ZNF583: variants seen among roughly 807,000 people sequenced by gnomAD.
The protein encoded by ZNF583 is zinc finger protein L3-5.
ZNF583 carries 30 observed loss-of-function variants against 55.3 expected under a neutral mutation model. The observed-to-expected ratio is 0.54, with a 90% confidence interval of 0.41 to 0.74. ZNF583 has a LOEUF of 0.74. ZNF583 is among the 30% of genes least tolerant of loss of function. The probability of loss-of-function intolerance (pLI) is 0.00; values close to 1 mark genes in which losing one functional copy is unlikely to be tolerated. For missense variants in ZNF583, 504 were observed against 664.7 expected (o/e 0.76, Z 2.66); for synonymous variants, 208 against 220.0 (o/e 0.95, Z 0.48).
At position 56,414,350 on chromosome 19, in the gene ZNF583, T is replaced by C. The variant is rs754346434; in HGVS notation, c.142T>C (p.Ser48Pro). Residue 48 changes from serine (S) to proline (P), a missense_variant, in exon 4 of 5, where the codon TCT becomes CCT. By Grantham distance (74) the Ser-to-Pro change is moderately conservative. Around this residue, in one of 3 missense-constraint regions of ZNF583, gnomAD observed 204 missense variants for 235.2 expected, o/e 0.87. Transcript: ENST00000333201. ...CTTTTGTTTTTTGTAAGCAGGAGTT[T>C]CTGTTTCTAAGCCAGATGTGATCTC... ...NYRSLVSLGV[S>P]VSKPDVISLL... The C allele has an allele frequency of 2.5e-6, 4 of 1,614,028 alleles. No homozygotes were observed. In the East Asian group the frequency reaches 6.7e-5, roughly 27 times the overall value.
At chr19:56,415,178 C>A (rs148996624) in intron 4 of ZNF583, among the ~76,000 whole-genome samples, 1 of 152,008 alleles carries the variant, frequency 6.6e-6, no homozygotes, top group African/African-American at 2.4e-5. Context: ...CTGCTAAATT[C>A]TTGGGATTAT....
rs949441793 is a variant in ZNF583, at chr19:56,424,967, T to C, written c.*599T>C. The C allele has an allele frequency of 1.3e-5, 2 of 152,286 alleles. No individual in the cohort carries two copies. Among genetic ancestry groups the C allele is most frequent in the African/African-American group, 4.8e-5 (2 of 41,356 alleles). The allele number at this position is 152,286 out of a possible 1,614,324, so 9.4% of individuals were successfully genotyped here. On this transcript the variant is annotated 3_prime_UTR_variant, in exon 5 of 5. Coordinates refer to ENST00000333201, the MANE Select transcript of ZNF583 (RefSeq NM_152478.3). ...ATGTAAAGTAAAAAGATAACCATAC[T>C]ATACATAGAAAGCCAATCATCTCAG...
chr19:56,406,736 C>T (rs899293287), intron 1 of ZNF583, among the ~76,000 whole-genome samples: 8 of 152,048 alleles, frequency 5.3e-5, no homozygotes, highest in Admixed American at 3.9e-4. Flanking sequence ...CCCGTGTTAG[C>T]CAGGATGGTC....
At position 56,424,622 on chromosome 19, in the gene ZNF583, G is replaced by T; in HGVS notation, c.*254G>T. ...GTTAAAGCACACATTCTTCAAAATA[G>T]CCTAAAAACCTAGCCTCTAACACCT... On this transcript the variant is annotated 3_prime_UTR_variant, in exon 5 of 5. Transcript: ENST00000333201. The T allele has an allele frequency of 2.6e-6, 1 of 385,268 alleles. No homozygotes were observed. Among genetic ancestry groups the T allele is most frequent in the Non-Finnish European group, 4.7e-6 (1 of 213,716 alleles). The allele number at this position is 385,268 out of a possible 1,614,324, so 23.9% of individuals were successfully genotyped here.
At chr19:56,422,790 T>A in intron 4 of ZNF583, 101 bp from the exon 5 acceptor site, 1 of 825,058 alleles carries the variant, frequency 1.2e-6, no homozygotes, top group Non-Finnish European at 1.8e-6. Context: ...TATAAGCTTT[T>A]AAATCCTTTA....
chr19:56,417,027 T>G (rs1282072784), intron 4 of ZNF583, among the ~76,000 whole-genome samples: 1 of 152,220 alleles, frequency 6.6e-6, no homozygotes, highest in African/African-American at 2.4e-5. Context: ...TCACTCAGGA[T>G]AATCATCTTG....
chr19:56,404,341 G>T lies in ZNF583; in HGVS notation c.-201G>T, dbSNP rs1364997084. The T allele has an allele frequency of 2.6e-5, 4 of 152,372 alleles. No homozygotes were observed. Among genetic ancestry groups the T allele is most frequent in the African/African-American group, 9.7e-5 (4 of 41,444 alleles). The allele number at this position is 152,372 out of a possible 1,614,324, so 9.4% of individuals were successfully genotyped here. On this transcript the variant is annotated 5_prime_UTR_variant, in exon 1 of 5. Transcript: ENST00000333201. The surrounding 1 kb of genome is among the most constrained non-coding windows in gnomAD (Gnocchi z 5.2). Reference sequence around the variant, plus strand: ...CCCTGCGGCCTGCCCTAGGGCTGCGGCGCCTTTGTGAGCGCGGCCGCCGGC... The same window carrying T: ...CCCTGCGGCCTGCCCTAGGGCTGCGTCGCCTTTGTGAGCGCGGCCGCCGGC...
chr19:56,426,112 C>G lies in ZNF583; in HGVS notation c.*1744C>G, dbSNP rs1196562610. The G allele has an allele frequency of 6.6e-6, 1 of 152,198 alleles. No individual in the cohort carries two copies. Among genetic ancestry groups the G allele is most frequent in the East Asian group, 1.9e-4 (1 of 5,204 alleles). 9.4% of individuals were successfully genotyped at this position (152,198 alleles called of 1,614,324 possible). On this transcript the variant is annotated 3_prime_UTR_variant, in exon 5 of 5. Coordinates refer to ENST00000333201, the MANE Select transcript of ZNF583 (RefSeq NM_152478.3). ...TAGCCCATGAATTAATTTACAGATTCTACCTAACAAAATTCTAATAAATTT... is the reference window on the plus strand; with the variant it reads ...TAGCCCATGAATTAATTTACAGATTGTACCTAACAAAATTCTAATAAATTT...
chr19:56,416,501 AT>A (rs1276258793), intron 4 of ZNF583, among the ~76,000 whole-genome samples: 7 of 150,268 alleles, frequency 4.7e-5, no homozygotes, highest in Non-Finnish European at 1.0e-4. Flanking sequence ...TAATTTTCTT[AT>A]TTATTTTGAT....
At chr19:56,406,787 A>C (rs535268276) in intron 1 of ZNF583, among the ~76,000 whole-genome samples, 2 of 152,244 alleles carry the variant, frequency 1.3e-5, no homozygotes, top group South Asian at 2.1e-4. Context: ...TCGGCCTCCC[A>C]AAGTGCTGGG....
chr19:56,421,387 C>G (rs1470522519), intron 4 of ZNF583: 2 of 802,648 alleles, frequency 2.5e-6, no homozygotes, highest in Middle Eastern at 6.3e-4. Flanking sequence ...TCTTTTTTGA[C>G]CCATCAGTCT....
chr19:56,419,600 G>A (rs1290187484), intron 4 of ZNF583, among the ~76,000 whole-genome samples: 2 of 152,186 alleles, frequency 1.3e-5, no homozygotes, highest in African/African-American at 4.8e-5. Flanking sequence ...TTTTCTGACA[G>A]TTTGAATAAA....
In ZNF583 at chr19:56,423,957, G is replaced by T. The variant is rs746000109; in HGVS notation, c.1299G>T (p.Glu433Asp). Residue 433 changes from glutamate (E) to aspartate (D), a missense_variant, in exon 5 of 5, where the codon GAG (glutamate) becomes GAT (aspartate). By Grantham distance (45) the Glu-to-Asp change is conservative (BLOSUM62 2). This residue lies in a region of ZNF583 where 237 missense variants were observed against 373.0 expected (regional missense o/e 0.64). Transcript: ENST00000333201. ...AACATCAGAGGGTTCATACTGGAGA[G>T]AAACCCTATGAATGTATTGAATGTG... ...LDQHQRVHTGEKPYECIECGK... is the reference protein window; with the variant it reads ...LDQHQRVHTGDKPYECIECGK... The T allele has an allele frequency of 2.5e-6, 4 of 1,613,924 alleles. No individual in the cohort carries two copies. Among genetic ancestry groups the T allele is most frequent in the African/African-American group, 2.7e-5 (2 of 74,882 alleles).
chr19:56,420,961 A>G (rs183132576), intron 4 of ZNF583, among the ~76,000 whole-genome samples: 4 of 152,194 alleles, frequency 2.6e-5, no homozygotes, highest in South Asian at 2.1e-4. Flanking sequence ...GCTCATCTCT[A>G]TCTTCTTTTG....
chr19:56,406,763 G>A (rs1203377519), intron 1 of ZNF583, among the ~76,000 whole-genome samples: 1 of 152,092 alleles, frequency 6.6e-6, no homozygotes, highest in Admixed American at 6.5e-5. Flanking sequence ...TCCTGACTTC[G>A]TGATTCGCCA....
chr19:56,424,518 C>T lies in ZNF583; in HGVS notation c.*150C>T, dbSNP rs1042311236. 4 of 529,734 alleles carry T rather than the reference C, an allele frequency of 7.6e-6. No homozygotes were observed. The highest frequency in any genetic ancestry group is 3.4e-5 in the Admixed American group (1 of 29,050). The allele number at this position is 529,734 out of a possible 1,614,324, so 32.8% of individuals were successfully genotyped here. A position where few individuals can be genotyped will look rare whatever the true frequency, so the allele number is the denominator to read the frequency against. ...CTCTGTCAGATGTCCACATTGCAACCAAATTTGTATTTTTAAAAATATGTT... is the reference window on the plus strand; with the variant it reads ...CTCTGTCAGATGTCCACATTGCAACTAAATTTGTATTTTTAAAAATATGTT... On this transcript the variant is annotated 3_prime_UTR_variant, in exon 5 of 5. Coordinates refer to ENST00000333201, the MANE Select transcript of ZNF583 (RefSeq NM_152478.3).
Position 56,423,099 on chromosome 19 carries a change from A to T in ZNF583, c.441A>T (p.Lys147Asn). Residue 147 changes from lysine to asparagine, a missense_variant, in exon 5 of 5, where the codon AAA (lysine) becomes AAT (asparagine). By Grantham distance (94) the Lys-to-Asn change is moderately conservative. This residue lies in a region of ZNF583 where 204 missense variants were observed against 235.2 expected (regional missense o/e 0.87). Transcript: ENST00000333201. ...VHLSQLIITHKEILPEVQNKE... is the reference protein window; with the variant it reads ...VHLSQLIITHNEILPEVQNKE... ...TTAGTCAATTAATCATCACTCATAA[A>T]GAAATCCTTCCAGAAGTTCAAAATA... The T allele has an allele frequency of 6.2e-7, 1 of 1,612,664 alleles. No individual in the cohort carries two copies. Among genetic ancestry groups the T allele is most frequent in the Non-Finnish European group, 8.5e-7 (1 of 1,179,588 alleles).
intron 2 of ZNF583, 26 bp from the exon 3 acceptor site, chr19:56,413,933 G>C: frequency 1.9e-6 from 3 of 1,613,714 alleles, no homozygotes; most frequent in Non-Finnish European, 2.5e-6. Flanking sequence ...CACTAGTTGA[G>C]CAAGAATGTG....
At chr19:56,411,941 G>A (rs767910949) in intron 2 of ZNF583, among the ~76,000 whole-genome samples, 1 of 152,056 alleles carries the variant, frequency 6.6e-6, no homozygotes, top group African/African-American at 2.4e-5. Context: ...ATGTATTTGA[G>A]TATTTCTTCA....
Sources: allele counts gnomAD v4.1 joint callset (sites outside exome capture counted in the v4.1 genomes callset), GRCh38; gene constraint gnomAD v4.1.1; regional missense constraint gnomAD v4.1.1; non-coding constraint Gnocchi (gnomAD v3.1); transcripts MANE v1.5; gene names NCBI Gene and HGNC (gene_info 2026-07-23, HGNC 2026-07-21).